The following CBLB variants were observed in gnomAD, a reference collection of about 807,000 sequenced individuals.
The protein encoded by CBLB is Cbl proto-oncogene B, also known as E3 ubiquitin-protein ligase CBL-B.
Under a neutral mutation model 104.9 loss-of-function variants are expected in CBLB, and 31 were observed. That is an observed-to-expected ratio of 0.30 (90% CI 0.22 to 0.40). The LOEUF is 0.40. CBLB is among the 10% of genes least tolerant of loss of function. The pLI is 1.00. For synonymous variants in CBLB, 440 were observed against 422.6 expected (o/e 1.04, Z -0.51); for missense variants, 1,062 against 1,214.6 (o/e 0.87, Z 1.87).
chr3:105,786,978 C>T (rs773082476), intron 3 of CBLB, among the ~76,000 whole-genome samples: 7 of 152,072 alleles, frequency 4.6e-5, no homozygotes, highest in Non-Finnish European at 7.4e-5. Flanking sequence ...TTCAAGAGAA[C>T]ACTAATTTAG....
At chr3:105,687,470 A>G (rs148242902) in intron 13 of CBLB, among the ~76,000 whole-genome samples, 1 of 152,214 alleles carries the variant, frequency 6.6e-6, no homozygotes, top group Non-Finnish European at 1.5e-5. Context: ...TGAAAAGCAA[A>G]GCTCATCTAA....
At chr3:105,669,982 T>C (rs1282702928) in intron 18 of CBLB, among the ~76,000 whole-genome samples, 1 of 152,166 alleles carries the variant, frequency 6.6e-6, no homozygotes, top group Non-Finnish European at 1.5e-5. Context: ...GAATACATTT[T>C]GAATCAAAGA....
chr3:105,685,591 T>C, intron 13 of CBLB, 125 bp from the exon 14 acceptor site: 1 of 772,024 alleles, frequency 1.3e-6, no homozygotes, highest in Non-Finnish European at 2.2e-6. Flanking sequence ...TTACAGGGTA[T>C]CATCAGAGAA....
At position 105,768,848 on chromosome 3, in the gene CBLB, G is replaced by C. The variant is rs539933974; in HGVS notation, c.566+7548C>G. Among the ~76,000 whole-genome samples the C allele has an allele frequency of 3.0e-4, 46 of 152,244 alleles. 2 individuals carry two copies. In the South Asian group the frequency reaches 9.5e-3, roughly 32 times the overall value. ...ACTTATGAACTGAACTTAAAGAAAGGTGTCAAAATTCTGAGACAGATGAAA... is the reference window on the plus strand; with the variant it reads ...ACTTATGAACTGAACTTAAAGAAAGCTGTCAAAATTCTGAGACAGATGAAA... On this transcript the variant is annotated intron_variant, in intron 4 of 18. Transcript: ENST00000394030.
intron 3 of CBLB, among the ~76,000 whole-genome samples, chr3:105,823,975 A>G (rs1183632660): frequency 6.6e-6 from 1 of 152,158 alleles, no homozygotes; most frequent in African/African-American, 2.4e-5. Flanking sequence ...AAAGAATCCA[A>G]ATAAACTCTG....
At chr3:105,856,455 A>G (rs1409601354) in intron 2 of CBLB, among the ~76,000 whole-genome samples, 2 of 152,064 alleles carry the variant, frequency 1.3e-5, no homozygotes, top group Admixed American at 1.3e-4. Context: ...CAAATTTCCA[A>G]CCATCAGCCT....
At chr3:105,842,869 G>A (rs760505352) in intron 3 of CBLB, among the ~76,000 whole-genome samples, 6 of 152,192 alleles carry the variant, frequency 3.9e-5, no homozygotes, top group Admixed American at 2.0e-4. Context: ...TATATACTCA[G>A]TCTGTGTTGA....
At chr3:105,774,991 C>T (rs930530724) in intron 4 of CBLB, among the ~76,000 whole-genome samples, 16 of 152,110 alleles carry the variant, frequency 1.1e-4, no homozygotes, top group Admixed American at 3.3e-4. Context: ...AGTTCCTACA[C>T]CCTGAACCTG....
At chr3:105,761,389 C>G (rs1425548936) in intron 4 of CBLB, among the ~76,000 whole-genome samples, 1 of 152,176 alleles carries the variant, frequency 6.6e-6, no homozygotes, top group East Asian at 1.9e-4. Context: ...CAAATCTCAT[C>G]TTGAATTGTA....
At chr3:105,858,001 G>A (rs956718852) in intron 2 of CBLB, among the ~76,000 whole-genome samples, 4 of 152,182 alleles carry the variant, frequency 2.6e-5, no homozygotes, top group Non-Finnish European at 5.9e-5. Flanking sequence ...TAAGGCTTAA[G>A]AGACACCAGA....
chr3:105,692,844 T>C (rs1483477832), intron 13 of CBLB, among the ~76,000 whole-genome samples: 1 of 149,796 alleles, frequency 6.7e-6, no homozygotes, highest in South Asian at 2.2e-4. Context: ...CAGTTTATCC[T>C]GGTTTAACTT....
chr3:105,700,907 A>ATTC (rs1209642232), intron 12 of CBLB, among the ~76,000 whole-genome samples: 1 of 152,228 alleles, frequency 6.6e-6, no homozygotes, highest in African/African-American at 2.4e-5. Context: ...TCCTGAATAT[A>ATTC]AGATGAACTC....
rs577457670 is a variant in CBLB at position 105,681,237 on chromosome 3, T to A, written c.2428+242A>T. On this transcript the variant is annotated intron_variant, in intron 16 of 18. Transcript: ENST00000394030. ...TCATGTGTTTTTAGACTACATTTAG[T>A]ATGGACAAAACAACTTGCTTAAAAC... 5.2e-6 allele frequency: 3 copies of A among 574,510 alleles called. No homozygotes were observed. The African/African-American group carries it at 5.6e-5, about 11-fold the overall frequency. 35.6% of individuals were successfully genotyped at this position (574,510 alleles called of 1,614,324 possible). A position where few individuals can be genotyped will look rare whatever the true frequency, so the allele number is the denominator to read the frequency against.
intron 5 of CBLB, chr3:105,749,626 T>C (rs2152903883): frequency 6.1e-6 from 1 of 163,514 alleles, no homozygotes; most frequent in Non-Finnish European, 1.4e-5. Flanking sequence ...ACTCACTTCC[T>C]AGAATGAGCA....
chr3:105,780,660 G>GTTTTTTTTTTTTTTTTTTTTTTTTTTTT (rs58640968), intron 3 of CBLB, among the ~76,000 whole-genome samples: 1 of 94,034 alleles, frequency 1.1e-5, no homozygotes, highest in Non-Finnish European at 1.9e-5. Context: ...TTTGTTTTTT[G>GTTTTTTTTTTTTTTTTTTTTTTTTTTTT]TTTTTTTTTT....
intron 18 of CBLB, among the ~76,000 whole-genome samples, chr3:105,661,798 T>C (rs979214388): frequency 6.6e-6 from 1 of 152,206 alleles, no homozygotes; most frequent in African/African-American, 2.4e-5. Context: ...CTACTTTATA[T>C]ATCTGTGTTT....
rs894264543 is a variant in CBLB at position 105,658,678 on chromosome 3, C to G, written c.*292G>C. On this transcript the variant is annotated 3_prime_UTR_variant, in exon 19 of 19. Transcript: ENST00000394030. ...AACTGCAACTTTGCCAAACTGTAAA[C>G]AAGGTAAAGCATTTCACAGGTTCAA... 4 of 450,410 alleles carry G rather than the reference C, an allele frequency of 8.9e-6. No individual in the cohort carries two copies. The highest frequency in any genetic ancestry group is 7.7e-5 in the African/African-American group (4 of 51,640). The allele number at this position is 450,410 out of a possible 1,614,324, so 27.9% of individuals were successfully genotyped here. A position where few individuals can be genotyped will look rare whatever the true frequency, so the allele number is the denominator to read the frequency against.
chr3:105,848,455 A>G (rs1190745196), intron 3 of CBLB, among the ~76,000 whole-genome samples: 1 of 152,072 alleles, frequency 6.6e-6, no homozygotes, highest in East Asian at 1.9e-4. Flanking sequence ...TTATCTTTCT[A>G]TTTATTACAT....
intron 3 of CBLB, among the ~76,000 whole-genome samples, chr3:105,838,329 A>G (rs894938371): frequency 6.9e-6 from 1 of 144,070 alleles, no homozygotes; most frequent in African/African-American, 2.6e-5. Flanking sequence ...TTTTAAAAAG[A>G]TAACAATATT....
Sources: gnomAD v4.1 joint callset for allele counts (sites outside exome capture counted in the v4.1 genomes callset) on GRCh38, gnomAD v4.1.1 for gene constraint, MANE v1.5 for transcripts, NCBI Gene and HGNC (gene_info 2026-07-23, HGNC 2026-07-21) for gene names.